PAPPA: variants seen among roughly 807,000 people sequenced by gnomAD.
PAPPA encodes pappalysin 1, also known as pappalysin-1.
A neutral mutation model predicts 164.0 loss-of-function variants in PAPPA; 60 were observed. The ratio of observed to expected loss-of-function variants is 0.37; its 90% CI spans 0.30 to 0.45. The LOEUF (loss-of-function observed/expected upper bound fraction) is 0.45. PAPPA is among the 20% of genes least tolerant of loss of function. PAPPA has a pLI of 1.00. For synonymous variants in PAPPA, 875 were observed against 814.1 expected, an observed-to-expected ratio of 1.07 and a Z score of -1.27; for missense variants, 1,782 against 2,087.3, an observed-to-expected ratio of 0.85 and a Z score of 2.85.
At chr9:116,352,437 G>A (rs1846295063) in intron 15 of PAPPA, among the ~76,000 whole-genome samples, 1 of 152,198 alleles carries the variant, frequency 6.6e-6, no homozygotes, top group Admixed American at 6.5e-5. Flanking sequence ...TTTCTATGCA[G>A]CAGAAGAGGC....
At chr9:116,203,794 T>G (rs1242639537) in intron 2 of PAPPA, among the ~76,000 whole-genome samples, 1 of 152,120 alleles carries the variant, frequency 6.6e-6, no homozygotes, top group Non-Finnish European at 1.5e-5. Flanking sequence ...ACATGTAAGC[T>G]GGACTTTGCA....
At chr9:116,163,058 CTATT>C (rs1390829690) in intron 1 of PAPPA, among the ~76,000 whole-genome samples, 1 of 152,180 alleles carries the variant, frequency 6.6e-6, no homozygotes, top group Non-Finnish European at 1.5e-5. Flanking sequence ...CATGCAACAA[CTATT>C]TTTTGAGTTT....
At chr9:116,227,399 G>A (rs752880858) in intron 5 of PAPPA, 32 bp from the exon 6 acceptor site, 25 of 1,612,808 alleles carry the variant, frequency 1.6e-5, no homozygotes, top group Middle Eastern at 1.6e-4. Flanking sequence ...TTCCTAAGTC[G>A]GTGCATTTTC....
intron 2 of PAPPA, among the ~76,000 whole-genome samples, chr9:116,207,206 T>C (rs1385654764): frequency 6.6e-6 from 1 of 152,196 alleles, no homozygotes; most frequent in African/African-American, 2.4e-5. Flanking sequence ...GAGATAACGA[T>C]ACTACCTACC....
intron 7 of PAPPA, among the ~76,000 whole-genome samples, chr9:116,251,615 G>A (rs1047577658): frequency 2.0e-5 from 3 of 152,174 alleles, no homozygotes; most frequent in African/African-American, 7.2e-5. Flanking sequence ...TCTGCAGCAT[G>A]CCTGTTTACC....
At chr9:116,296,862 AT>A (rs141335308) in intron 9 of PAPPA, among the ~76,000 whole-genome samples, 6 of 149,592 alleles carry the variant, frequency 4.0e-5, no homozygotes, top group East Asian at 2.0e-4. Context: ...TTATGTGTTT[AT>A]TTTTTTTTTG....
At chr9:116,378,402 C>T (rs1488596459) in intron 20 of PAPPA, among the ~76,000 whole-genome samples, 1 of 152,134 alleles carries the variant, frequency 6.6e-6, no homozygotes, top group African/African-American at 2.4e-5. Context: ...TCCCAGCTGG[C>T]AGTGAAAAAG....
At chr9:116,337,504 T>C (rs1846076496) in intron 13 of PAPPA, among the ~76,000 whole-genome samples, 1 of 152,100 alleles carries the variant, frequency 6.6e-6, no homozygotes, top group African/African-American at 2.4e-5. Context: ...ATAAATAGCA[T>C]CACTTTTTAT....
intron 9 of PAPPA, among the ~76,000 whole-genome samples, chr9:116,291,209 A>G (rs145690506): frequency 0.01 from 1,552 of 152,272 alleles, 28 homozygotes; most frequent in African/African-American, 0.036. Context: ...AAGACTGTCA[A>G]ATCTCTTTAT....
chr9:116,232,043 C>T (rs897375838), intron 6 of PAPPA, among the ~76,000 whole-genome samples: 8 of 152,028 alleles, frequency 5.3e-5, no homozygotes, highest in East Asian at 1.9e-4. Flanking sequence ...CATGAGCCAC[C>T]GCACCTGGCC....
intron 19 of PAPPA, among the ~76,000 whole-genome samples, chr9:116,374,158 TTGGTGGTGG>T (rs976926914): frequency 7.0e-6 from 1 of 143,582 alleles, no homozygotes; most frequent in Non-Finnish European, 1.5e-5. Context: ...GGTGGTAGTG[TTGGTGGTGG>T]TGTTGATGAT....
intron 17 of PAPPA, among the ~76,000 whole-genome samples, chr9:116,360,889 A>G (rs1382120010): frequency 1.3e-5 from 2 of 152,166 alleles, no homozygotes; most frequent in African/African-American, 4.8e-5. Context: ...CAAATAGGTA[A>G]TGTCCTGTCA....
At chr9:116,161,561 G>A (rs1359105526) in intron 1 of PAPPA, among the ~76,000 whole-genome samples, 1 of 152,146 alleles carries the variant, frequency 6.6e-6, no homozygotes, top group African/African-American at 2.4e-5. Flanking sequence ...CTGACATTGA[G>A]GAGTTATTGT....
intron 1 of PAPPA, among the ~76,000 whole-genome samples, chr9:116,165,045 A>T (rs1246244615): frequency 2.0e-5 from 3 of 152,262 alleles, no homozygotes; most frequent in African/African-American, 7.2e-5. Context: ...TTGACTGATA[A>T]CATCTTAAAA....
At chr9:116,206,622 C>T (rs1844238888) in intron 2 of PAPPA, among the ~76,000 whole-genome samples, 2 of 152,122 alleles carry the variant, frequency 1.3e-5, no homozygotes, top group South Asian at 4.1e-4. Context: ...TAAGGCACCT[C>T]GCCTTCCCCC....
intron 7 of PAPPA, among the ~76,000 whole-genome samples, chr9:116,236,612 C>G (rs1354382356): frequency 2.7e-5 from 4 of 150,742 alleles, no homozygotes; most frequent in African/African-American, 7.3e-5. Flanking sequence ...AAAAATTACT[C>G]ACTTCTCAAG....
rs1258532647 is a variant in PAPPA, at chr9:116,395,929, TCAC to T, written c.4777-579_4777-577del. 6.6e-5 allele frequency among the ~76,000 whole-genome samples: 10 copies of T among 152,314 alleles called. No homozygotes were observed. In the East Asian group the frequency reaches 1.7e-3, roughly 26 times the overall value. Reference sequence around the variant, plus strand: ...AAAAGACACTTCCACATCCTTTCTTTCACTTGATCACTTATACATCAGATATTC... The same window carrying T: ...AAAAGACACTTCCACATCCTTTCTTTTTGATCACTTATACATCAGATATTC... On this transcript the variant is annotated intron_variant, in intron 21 of 21. Coordinates refer to ENST00000328252, the MANE Select transcript of PAPPA (RefSeq NM_002581.5).
intron 7 of PAPPA, among the ~76,000 whole-genome samples, chr9:116,260,833 T>A (rs1430059119): frequency 6.6e-6 from 1 of 152,178 alleles, no homozygotes; most frequent in African/African-American, 2.4e-5. Context: ...ACTATGAAAT[T>A]AATACAGAAA....
chr9:116,259,244 A>T (rs1587976154), intron 7 of PAPPA, among the ~76,000 whole-genome samples: 1 of 151,910 alleles, frequency 6.6e-6, no homozygotes, highest in Non-Finnish European at 1.5e-5. Context: ...GAAATAAAAG[A>T]GACTATTTTA....
Sources: gnomAD v4.1 joint callset for allele counts (sites outside exome capture counted in the v4.1 genomes callset) on GRCh38, gnomAD v4.1.1 for gene constraint, MANE v1.5 for transcripts, NCBI Gene and HGNC (gene_info 2026-07-23, HGNC 2026-07-21) for gene names.